The following PTBP2 variants were observed in gnomAD, a reference collection of about 807,000 sequenced individuals.
PTBP2 encodes polypyrimidine tract-binding protein 2.
PTBP2 carries 13 observed loss-of-function variants against 61.4 expected under a neutral mutation model. That is an observed-to-expected ratio of 0.21 (90% CI 0.14 to 0.34). PTBP2 has a LOEUF of 0.34. Among genes scored for constraint, PTBP2 ranks in the 10% least tolerant of loss-of-function variants. PTBP2 has a pLI of 1.00. For missense variants in PTBP2, 405 were observed against 642.6 expected (o/e 0.63, Z 4.00); for synonymous variants, 215 against 218.5 (o/e 0.98, Z 0.14).
intron 3 of PTBP2, among the ~76,000 whole-genome samples, chr1:96,765,703 C>T (rs1174162990): frequency 8.4e-6 from 1 of 118,844 alleles, no homozygotes; most frequent in Admixed American, 9.2e-5. Flanking sequence ...CAGCAAGACT[C>T]TGTCTTAGAT....
intron 2 of PTBP2, among the ~76,000 whole-genome samples, chr1:96,723,807 T>C (rs566868636): frequency 6.6e-6 from 1 of 152,204 alleles, no homozygotes; most frequent in South Asian, 2.1e-4. Flanking sequence ...CCTTTTAAAG[T>C]AAGTATGAAT....
At chr1:96,785,927 A>C (rs528011651) in intron 8 of PTBP2, among the ~76,000 whole-genome samples, 1 of 152,328 alleles carries the variant, frequency 6.6e-6, no homozygotes, top group African/African-American at 2.4e-5. Flanking sequence ...GATGAAGAAA[A>C]AAATAAGGAA....
chr1:96,786,409 C>A (rs1036477074), intron 8 of PTBP2, among the ~76,000 whole-genome samples: 2 of 151,952 alleles, frequency 1.3e-5, no homozygotes, highest in Non-Finnish European at 2.9e-5. Context: ...TGCTTTAGGT[C>A]ACTTACACTC....
At chr1:96,782,022 A>G (rs936752376) in intron 7 of PTBP2, among the ~76,000 whole-genome samples, 13 of 152,148 alleles carry the variant, frequency 8.5e-5, no homozygotes, top group Admixed American at 3.3e-4. Flanking sequence ...TTTTAATAGT[A>G]TAATAAGACA....
Position 96,813,038 on chromosome 1 carries a change from A to G in PTBP2, c.1398A>G (p.Val466=). 1 of 1,612,876 alleles carries G rather than the reference A, an allele frequency of 6.2e-7. No homozygotes were observed. The highest frequency in any genetic ancestry group is 1.1e-5 in the South Asian group (1 of 90,916). ...CATTCAATTTTCCTAGTCCATCAGT[A>G]GCAGAAGAGGATCTACGAACACTGT... ...TLHLSNIPPS[V]AEEDLRTLFA... is the part of the protein sequence containing the mutation. The change falls in exon 13 of 14, where the codon GTA becomes GTG. Residue 466 remains valine (V), a synonymous_variant. Coordinates refer to ENST00000674951, the MANE Select transcript of PTBP2 (RefSeq NM_021190.4).
intron 3 of PTBP2, among the ~76,000 whole-genome samples, chr1:96,762,529 TGGCCGGGCTGGGGGCTGACCCCCC>T: frequency 1.5e-5 from 2 of 135,554 alleles, no homozygotes; most frequent in Non-Finnish European, 3.1e-5. Context: ...ACGGGGCGGC[TGGCCGGGCTGGGGGCTGACCCCCC>T]GACCTCCTTC....
chr1:96,724,485 G>GATCT (rs1002197577), intron 2 of PTBP2, among the ~76,000 whole-genome samples: 1 of 151,870 alleles, frequency 6.6e-6, no homozygotes, highest in Non-Finnish European at 1.5e-5. Flanking sequence ...CTGACCTCAT[G>GATCT]ATCTGCCTGC....
chr1:96,791,830 T>TTTTTGTTTTG (rs796570591), intron 8 of PTBP2, among the ~76,000 whole-genome samples: 1 of 129,760 alleles, frequency 7.7e-6, no homozygotes. Context: ...GTTGTGCTTT[T>TTTTTGTTTTG]TTTTTTTTTT....
At chr1:96,775,487 G>A (rs1345069444) in intron 5 of PTBP2, among the ~76,000 whole-genome samples, 1 of 152,142 alleles carries the variant, frequency 6.6e-6, no homozygotes, top group African/African-American at 2.4e-5. Context: ...GCAAAACATG[G>A]GTAGTGTACA....
At chr1:96,737,818 TTAAA>T (rs1480784330) in intron 2 of PTBP2, among the ~76,000 whole-genome samples, 2 of 152,246 alleles carry the variant, frequency 1.3e-5, no homozygotes, top group Admixed American at 6.5e-5. Flanking sequence ...GTATTTATGT[TTAAA>T]TAAACTTGAT....
intron 3 of PTBP2, among the ~76,000 whole-genome samples, chr1:96,766,639 C>T (rs1399008348): frequency 6.6e-6 from 1 of 152,172 alleles, no homozygotes; most frequent in Admixed American, 6.5e-5. Flanking sequence ...TTCCCAGTTT[C>T]ACATTCTCAT....
intron 7 of PTBP2, among the ~76,000 whole-genome samples, chr1:96,781,000 C>G (rs1424373272): frequency 6.6e-6 from 1 of 151,894 alleles, no homozygotes; most frequent in Non-Finnish European, 1.5e-5. Flanking sequence ...CTCTTGCTAC[C>G]ATTGCAGTCT....
intron 11 of PTBP2, among the ~76,000 whole-genome samples, chr1:96,808,315 A>T (rs1661697673): frequency 6.6e-6 from 1 of 152,114 alleles, no homozygotes; most frequent in African/African-American, 2.4e-5. Flanking sequence ...TTTGGGGTCT[A>T]GAAGTCCCAG....
intron 3 of PTBP2, among the ~76,000 whole-genome samples, chr1:96,763,886 C>T (rs1656346810): frequency 6.6e-6 from 1 of 151,992 alleles, no homozygotes; most frequent in Non-Finnish European, 1.5e-5. Flanking sequence ...CTTATAAGAG[C>T]AAATAGCATA....
intron 7 of PTBP2, among the ~76,000 whole-genome samples, chr1:96,780,002 A>C (rs951062092): frequency 1.3e-5 from 2 of 152,074 alleles, no homozygotes; most frequent in African/African-American, 2.4e-5. Flanking sequence ...TGCCTATGTC[A>C]GATAGAAATT....
chr1:96,754,619 C>G (rs766874059), intron 3 of PTBP2, among the ~76,000 whole-genome samples: 13 of 152,102 alleles, frequency 8.5e-5, no homozygotes, highest in Non-Finnish European at 1.3e-4. Context: ...TACTGCAAAG[C>G]TACGGTAATT....
intron 2 of PTBP2, among the ~76,000 whole-genome samples, chr1:96,744,290 A>G (rs1472475793): frequency 6.6e-6 from 1 of 152,192 alleles, no homozygotes; most frequent in African/African-American, 2.4e-5. Context: ...GATAATTAAT[A>G]AAAGTAAACG....
intron 10 of PTBP2, 87 bp from the exon 11 acceptor site, chr1:96,806,779 A>G (rs1173658829): frequency 5.3e-6 from 5 of 941,572 alleles, no homozygotes; most frequent in Non-Finnish European, 8.4e-6. Flanking sequence ...TGAATGTTTC[A>G]TTGATATGTC....
intron 3 of PTBP2, among the ~76,000 whole-genome samples, chr1:96,762,122 T>C (rs1655962715): frequency 6.6e-6 from 1 of 150,878 alleles, no homozygotes; most frequent in East Asian, 2.0e-4. Flanking sequence ...GTCTCCCATG[T>C]CTACCTCTTT....
Sources: gnomAD v4.1 joint callset for allele counts (sites outside exome capture counted in the v4.1 genomes callset) on GRCh38, gnomAD v4.1.1 for gene constraint, MANE v1.5 for transcripts, NCBI Gene and HGNC (gene_info 2026-07-23, HGNC 2026-07-21) for gene names.